The following MYBPC1 variants were observed in gnomAD, a reference collection of about 807,000 sequenced individuals.
MYBPC1 encodes the protein myosin binding protein C1.
Under a neutral mutation model 147.1 loss-of-function variants are expected in MYBPC1, and 52 were observed. The ratio of observed to expected loss-of-function variants is 0.35; its 90% CI spans 0.28 to 0.45. The LOEUF is 0.45. Ranked by LOEUF, MYBPC1 falls within the 20% of genes least tolerant of loss-of-function variation. The pLI, the probability that MYBPC1 is intolerant of heterozygous loss-of-function variation, is 1.00. For missense variants in MYBPC1, 1,228 were observed against 1,440.3 expected, an observed-to-expected ratio of 0.85 and a Z score of 2.39; for synonymous variants, 477 against 475.9, an observed-to-expected ratio of 1.00 and a Z score of -0.03.
Position 101,675,444 on chromosome 12 carries a change from T to C in MYBPC1, c.2949+13T>C. The C allele has an allele frequency of 1.2e-6, 2 of 1,614,088 alleles. No individual in the cohort carries two copies. Among genetic ancestry groups the C allele is most frequent in the Non-Finnish European group, 1.7e-6 (2 of 1,179,960 alleles). On this transcript the variant is annotated intron_variant, in intron 26 of 31. Coordinates refer to ENST00000361466, the MANE Select transcript of MYBPC1 (RefSeq NM_002465.4). ...CAAGAAGAGCATGGTAAGGTCTGGC[T>C]TTCTCTGGTTCATCAGTAGCAAAAG...
In MYBPC1 at chr12:101,611,538, A is replaced by C. The variant is rs549223828; in HGVS notation, c.26-2958A>C. ...GTATGATCAATTTAATAGATGTCCA[A>C]CCACCAAAAGAAGCCCTCCTTAATT... On this transcript the variant is annotated intron_variant, in intron 1 of 31. Transcript: ENST00000361466. Among the ~76,000 whole-genome samples, 17 of 152,314 alleles carry C rather than the reference A, an allele frequency of 1.1e-4. No individual in the cohort carries two copies. In the South Asian group the frequency reaches 3.5e-3, roughly 32 times the overall value.
At chr12:101,649,234 C>T (rs1893884671) in intron 14 of MYBPC1, 26 bp from the exon 15 acceptor site, 3 of 1,603,434 alleles carry the variant, frequency 1.9e-6, no homozygotes, top group African/African-American at 1.3e-5. Flanking sequence ...TTTTACAAAC[C>T]TTTTTAATAT....
intron 13 of MYBPC1, 47 bp from the exon 14 acceptor site, chr12:101,647,998 A>G (rs1484801035): frequency 2.7e-6 from 4 of 1,457,502 alleles, no homozygotes; most frequent in Non-Finnish European, 3.8e-6. Flanking sequence ...CTCATGGGAT[A>G]GGCTTTGGAT....
chr12:101,607,693 T>C (rs1205340498), intron 1 of MYBPC1, among the ~76,000 whole-genome samples: 1 of 152,094 alleles, frequency 6.6e-6, no homozygotes, highest in East Asian at 1.9e-4. Flanking sequence ...AAAAGCTAAA[T>C]TAAATGGTAT....
intron 15 of MYBPC1, among the ~76,000 whole-genome samples, chr12:101,650,607 G>C (rs897555080): frequency 2.0e-5 from 3 of 152,048 alleles, no homozygotes; most frequent in Non-Finnish European, 2.9e-5. Context: ...CTCCCACCAC[G>C]TCCCTCCCAT....
intron 2 of MYBPC1, among the ~76,000 whole-genome samples, chr12:101,615,672 C>CT (rs1885775150): frequency 1.3e-5 from 1 of 77,064 alleles, no homozygotes; most frequent in Non-Finnish European, 2.6e-5. Context: ...GCCCCCCCCC[C>CT]GCCCCCCCAC....
In MYBPC1 at chr12:101,682,657, C is replaced by G; in HGVS notation, c.3487C>G (p.Gln1163Glu). 6.2e-7 allele frequency: 1 copy of G among 1,612,490 alleles called. No individual in the cohort carries two copies. The part of the protein sequence containing the change: ...PGQPVFLEGQ[Q>E]QSLHNKDF Reference sequence around the variant, plus strand: ...ACAACCAGTCTTCCTGGAGGGGCAGCAACAGGTTTAAAAAGTTTATATCCC... The same window carrying G: ...ACAACCAGTCTTCCTGGAGGGGCAGGAACAGGTTTAAAAAGTTTATATCCC... The change falls in exon 30 of 32, where the codon CAA (glutamine) becomes GAA (glutamate). Residue 1163 changes from glutamine to glutamate, a missense_variant. Around this residue, in one of 2 missense-constraint regions of MYBPC1, gnomAD observed 1,077 missense variants for 1,314.2 expected, o/e 0.82. Coordinates refer to ENST00000361466, the MANE Select transcript of MYBPC1 (RefSeq NM_002465.4).
intron 30 of MYBPC1, among the ~76,000 whole-genome samples, chr12:101,683,256 C>G (rs949915394): frequency 9.9e-5 from 15 of 151,968 alleles, no homozygotes; most frequent in African/African-American, 3.6e-4. Flanking sequence ...ATGGCAAACT[C>G]CCATCTCTAC....
At chr12:101,695,523 G>C in the MYBPC1 span, among the ~76,000 whole-genome samples, 1 of 152,216 alleles carries the variant, frequency 6.6e-6, no homozygotes, top group South Asian at 2.1e-4. Context: ...GACAAAGGGA[G>C]ACTACTGTAT....
chr12:101,669,493 G>A (rs867295131), intron 23 of MYBPC1, among the ~76,000 whole-genome samples: 5 of 152,096 alleles, frequency 3.3e-5, no homozygotes, highest in East Asian at 3.8e-4. Flanking sequence ...AGTTACTGTC[G>A]AACTCCAACA....
Position 101,666,634 on chromosome 12 carries a change from C to T in MYBPC1, c.2357-1098C>T. The stretch of plus-strand genomic sequence containing the variant: ...CCGTCACTGCTCTGAGGACAAATCT[C>T]TTTGCACACTTTGCATACTTTACTA... On this transcript the variant is annotated intron_variant, in intron 22 of 31. Transcript: ENST00000361466. The T allele has an allele frequency of 3.7e-6, 4 of 1,090,436 alleles. No homozygotes were observed. In the South Asian group the frequency reaches 3.7e-5, roughly 10 times the overall value. The allele number at this position is 1,090,436 out of a possible 1,614,324, so 67.5% of individuals were successfully genotyped here.
chr12:101,688,978 A>C (rs942355601), downstream of MYBPC1, among the ~76,000 whole-genome samples: 1 of 151,852 alleles, frequency 6.6e-6, no homozygotes, highest in Non-Finnish European at 1.5e-5. Context: ...AGAAAAAGAA[A>C]AAAAAAGAGG....
At position 101,642,512 on chromosome 12, in the gene MYBPC1, G is replaced by T; in HGVS notation, c.759G>T (p.Gln253His). The T allele has an allele frequency of 1.2e-6, 2 of 1,613,876 alleles. No homozygotes were observed. The highest frequency in any genetic ancestry group is 1.7e-6 in the Non-Finnish European group (2 of 1,179,926). The stretch of plus-strand genomic sequence containing the variant: ...GTGAGTACGAGAAGATCGCCTTCCA[G>T]TATGGAATCACCGACCTGCGCGGCA... Reference protein sequence around the residue: ...KPSEYEKIAFQYGITDLRGML... With the variant: ...KPSEYEKIAFHYGITDLRGML... The change falls in exon 11 of 32, where the codon CAG becomes CAT. Residue 253 changes from glutamine to histidine, a missense_variant. Gln to His is a conservative substitution (Grantham distance 24). This residue lies in a region of MYBPC1 where 1,077 missense variants were observed against 1,314.2 expected (regional missense o/e 0.82). Coordinates refer to ENST00000361466, the MANE Select transcript of MYBPC1 (RefSeq NM_002465.4).
At chr12:101,595,223 G>T (rs1038494178) in intron 1 of MYBPC1, 128 bp downstream of exon 1, 12 of 874,658 alleles carry the variant, frequency 1.4e-5, no homozygotes, top group Non-Finnish European at 2.0e-5. Flanking sequence ...TTAAGGAAAC[G>T]ATCTTTTAGA....
Position 101,681,592 on chromosome 12 carries a change from A to ATTTT in MYBPC1, c.3434-981_3434-978dup, listed in dbSNP as rs869224775. Reference sequence around the variant, plus strand: ...TATATATATATATATATATATATATATTTTTTTTTTTTTTTTTTTTTTTTT... The same window carrying ATTTT: ...TATATATATATATATATATATATATATTTTTTTTTTTTTTTTTTTTTTTTTTTTT... On this transcript the variant is annotated intron_variant, in intron 29 of 31. Coordinates refer to ENST00000361466, the MANE Select transcript of MYBPC1 (RefSeq NM_002465.4). 2.2e-4 allele frequency among the ~76,000 whole-genome samples: 3 copies of ATTTT among 13,540 alleles called. 1 individual carries two copies. Among genetic ancestry groups the ATTTT allele is most frequent in the Non-Finnish European group, 3.6e-4 (3 of 8,240 alleles). The allele number at this position is 13,540 out of a possible 152,430, so 8.9% of individuals were successfully genotyped here.
In MYBPC1 at chr12:101,612,585, G is replaced by A. The variant is rs114158812; in HGVS notation, c.26-1911G>A. Among the ~76,000 whole-genome samples the A allele has an allele frequency of 6.1e-3, 929 of 152,276 alleles. 6 individuals are homozygous for A. Among genetic ancestry groups the A allele is most frequent in the African/African-American group, 0.021 (871 of 41,554 alleles). On this transcript the variant is annotated intron_variant, in intron 1 of 31. Coordinates refer to ENST00000361466, the MANE Select transcript of MYBPC1 (RefSeq NM_002465.4). ...GAAATACTTTCAAGTAGAATAATGGGATGAAACACAGTTGTAGGATAAATA... is the reference window on the plus strand; with the variant it reads ...GAAATACTTTCAAGTAGAATAATGGAATGAAACACAGTTGTAGGATAAATA...
chr12:101,677,050 T>C (rs1034414005), intron 26 of MYBPC1, among the ~76,000 whole-genome samples, 185 bp from the exon 27 acceptor site: 2 of 152,200 alleles, frequency 1.3e-5, no homozygotes, highest in East Asian at 3.8e-4. Flanking sequence ...TTGTGAAATA[T>C]TAAACAAAAT....
chr12:101,686,631 C>T (rs1951351434), downstream of MYBPC1, among the ~76,000 whole-genome samples: 3 of 152,164 alleles, frequency 2.0e-5, no homozygotes, highest in South Asian at 4.1e-4. Context: ...ACTGTTTATT[C>T]CCTCGCCTCC....
intron 28 of MYBPC1, 143 bp downstream of exon 28, chr12:101,678,381 A>T: frequency 8.3e-7 from 1 of 1,203,518 alleles, no homozygotes; most frequent in Non-Finnish European, 1.2e-6. Flanking sequence ...GTGGTAGATT[A>T]TTAGGCACAC....
Sources: gnomAD v4.1 joint callset for allele counts (sites outside exome capture counted in the v4.1 genomes callset) on GRCh38, gnomAD v4.1.1 for gene constraint, gnomAD v4.1.1 regional missense constraint, MANE v1.5 for transcripts, NCBI Gene and HGNC (gene_info 2026-07-23, HGNC 2026-07-21) for gene names.